SLIT2: variants seen among roughly 807,000 people sequenced by gnomAD.
SLIT2 encodes the protein slit guidance ligand 2, also known as slit homolog 2 protein.
A neutral mutation model predicts 185.7 loss-of-function variants in SLIT2; 41 were observed. The ratio of observed to expected loss-of-function variants is 0.22; its 90% CI spans 0.17 to 0.29. SLIT2 has a LOEUF of 0.29. Among genes scored for constraint, SLIT2 ranks in the 10% least tolerant of loss-of-function variants. The probability of loss-of-function intolerance (pLI) is 1.00; values close to 1 mark genes in which losing one functional copy is unlikely to be tolerated. For synonymous variants in SLIT2, 693 were observed against 680.2 expected (o/e 1.02, Z -0.29); for missense variants, 1,571 against 1,909.0 (o/e 0.82, Z 3.30).
intron 4 of SLIT2, among the ~76,000 whole-genome samples, chr4:20,426,468 A>C (rs1728564667): frequency 6.6e-6 from 1 of 152,198 alleles, no homozygotes; most frequent in Non-Finnish European, 1.5e-5. Context: ...TAGATTTAGC[A>C]GTGTGTTATC....
At position 20,542,498 on chromosome 4, in the gene SLIT2, T is replaced by C. The variant is rs759764286; in HGVS notation, c.2148T>C (p.Asn716=). 1.9e-6 allele frequency: 3 copies of C among 1,613,382 alleles called. No individual in the cohort carries two copies. The highest frequency in any genetic ancestry group is 1.7e-6 in the Non-Finnish European group (2 of 1,179,616). Residue 716 remains asparagine, a synonymous_variant, in exon 21 of 37, where the codon AAT becomes AAC. Coordinates refer to ENST00000504154, the MANE Select transcript of SLIT2 (RefSeq NM_004787.4). ...TGTATTTCCTCTGCGATTTAGGAAA[T>C]GATGACAATAGTTGCTCCCCACTTT... is the stretch of plus-strand genomic sequence containing the variant. The part of the protein sequence containing the change: ...AIQDFTCDDG[N]DDNSCSPLSR...
chr4:20,540,277 G>A (rs554024284), intron 19 of SLIT2, among the ~76,000 whole-genome samples: 3 of 150,352 alleles, frequency 2.0e-5, no homozygotes, highest in African/African-American at 7.3e-5. Context: ...GACAGAGCGA[G>A]ACTCCATCTC....
chr4:20,508,762 A>T (rs1394578678), intron 9 of SLIT2, among the ~76,000 whole-genome samples: 1 of 152,120 alleles, frequency 6.6e-6, no homozygotes, highest in Non-Finnish European at 1.5e-5. Context: ...CACCAAGGAG[A>T]TAGAGTGTCT....
Position 20,567,554 on chromosome 4 carries a change from A to G in SLIT2, c.2887A>G (p.Ser963Gly). ...DCDVPIHACI[S>G]NPCKHGGTCH... is the part of the protein sequence containing the mutation. Reference sequence around the variant, plus strand: ...TGATGTCCCAATTCATGCCTGCATCAGTAACCCATGTAAACATGGAGGAAC... The same window carrying G: ...TGATGTCCCAATTCATGCCTGCATCGGTAACCCATGTAAACATGGAGGAAC... Residue 963 changes from serine (S) to glycine (G), a missense_variant, in exon 28 of 37, where the codon AGT becomes GGT. This residue lies in a region of SLIT2 where 1,202 missense variants were observed against 1,416.4 expected (regional missense o/e 0.85). Coordinates refer to ENST00000504154, the MANE Select transcript of SLIT2 (RefSeq NM_004787.4). The G allele has an allele frequency of 6.2e-7, 1 of 1,613,452 alleles. No homozygotes were observed. Among genetic ancestry groups the G allele is most frequent in the Non-Finnish European group, 8.5e-7 (1 of 1,179,542 alleles).
chr4:20,541,742 CG>C, intron 20 of SLIT2, 123 bp downstream of exon 20: 2 of 899,322 alleles, frequency 2.2e-6, no homozygotes, highest in East Asian at 5.3e-5. Context: ...TTTGCTTTGT[CG>C]TTTGGGTTTT....
intron 25 of SLIT2, among the ~76,000 whole-genome samples, chr4:20,553,556 A>G (rs964625958): frequency 5.9e-5 from 9 of 152,196 alleles, no homozygotes; most frequent in Admixed American, 1.3e-4. Flanking sequence ...CTAAAGCAAC[A>G]TGAGTGTTGA....
intron 4 of SLIT2, among the ~76,000 whole-genome samples, chr4:20,277,050 GAC>G (rs1177404778): frequency 6.6e-6 from 1 of 152,202 alleles, no homozygotes; most frequent in Non-Finnish European, 1.5e-5. Context: ...CTTAACCTTA[GAC>G]ACGACAAGGC....
intron 4 of SLIT2, among the ~76,000 whole-genome samples, chr4:20,375,590 C>T (rs752738065): frequency 5.3e-5 from 8 of 152,022 alleles, no homozygotes; most frequent in Admixed American, 5.2e-4. Context: ...TGATTTATGG[C>T]AAACCATTTA....
Position 20,482,384 on chromosome 4 carries a change from C to G in SLIT2, c.539+1597C>G, listed in dbSNP as rs544381015. On this transcript the variant is annotated intron_variant, in intron 6 of 36. Coordinates refer to ENST00000504154, the MANE Select transcript of SLIT2 (RefSeq NM_004787.4). Reference sequence around the variant, plus strand: ...ATATACACATAAATGTATCGAATACCTACTGTGTATATTTTACAAGGTAGA... The same window carrying G: ...ATATACACATAAATGTATCGAATACGTACTGTGTATATTTTACAAGGTAGA... Among the ~76,000 whole-genome samples the G allele has an allele frequency of 2.6e-5, 4 of 151,972 alleles. No individual in the cohort carries two copies. The East Asian group carries it at 7.7e-4, about 29-fold the overall frequency.
At chr4:20,598,763 G>C (rs1455008049) in intron 33 of SLIT2, among the ~76,000 whole-genome samples, 1 of 152,060 alleles carries the variant, frequency 6.6e-6, no homozygotes, top group African/African-American at 2.4e-5. Flanking sequence ...CAGAAGCCTC[G>C]ACCTTTAATA....
Position 20,252,051 on chromosome 4 carries a change from C to T in SLIT2, c.-1765C>T, listed in dbSNP as rs921271508. Among the ~76,000 whole-genome samples the T allele has an allele frequency of 6.6e-6, 1 of 152,122 alleles. No homozygotes were observed. The highest frequency in any genetic ancestry group is 2.1e-4 in the South Asian group (1 of 4,828). On this transcript the variant is annotated 5_prime_UTR_variant, in exon 1 of 37. Coordinates refer to ENST00000504154, the MANE Select transcript of SLIT2 (RefSeq NM_004787.4). ...AGGCAGCTGCGAGGCATGGGAGCGCCGAAGCGCCCAGGCGCAGGCCGAAGC... is the reference window on the plus strand; with the variant it reads ...AGGCAGCTGCGAGGCATGGGAGCGCTGAAGCGCCCAGGCGCAGGCCGAAGC...
At chr4:20,549,244 G>T (rs772565139) in intron 24 of SLIT2, 116 bp downstream of exon 24, 4 of 580,294 alleles carry the variant, frequency 6.9e-6, no homozygotes, top group Non-Finnish European at 1.2e-5. Flanking sequence ...ACATGCATTA[G>T]GATTTATTAT....
At chr4:20,441,510 C>A (rs977670266) in intron 4 of SLIT2, among the ~76,000 whole-genome samples, 1 of 134,200 alleles carries the variant, frequency 7.5e-6, no homozygotes, top group Non-Finnish European at 1.6e-5. Context: ...CTCGCCCCCC[C>A]CCACTTCTGT....
At chr4:20,436,711 G>A (rs1227635581) in intron 4 of SLIT2, among the ~76,000 whole-genome samples, 1 of 152,178 alleles carries the variant, frequency 6.6e-6, no homozygotes, top group Admixed American at 6.5e-5. Flanking sequence ...ATGAGTAGTT[G>A]ATGACTGCTT....
intron 5 of SLIT2, among the ~76,000 whole-genome samples, chr4:20,476,208 A>G (rs1275543558): frequency 6.6e-6 from 1 of 152,188 alleles, no homozygotes. Context: ...ATATTGATAT[A>G]TAGACATTTG....
intron 4 of SLIT2, among the ~76,000 whole-genome samples, chr4:20,384,652 C>T (rs756987152): frequency 6.6e-5 from 10 of 152,004 alleles, no homozygotes; most frequent in African/African-American, 2.4e-4. Context: ...AAGAAAAGAG[C>T]TTAATATTAT....
chr4:20,450,132 T>C (rs1272836915), intron 4 of SLIT2, among the ~76,000 whole-genome samples: 2 of 152,332 alleles, frequency 1.3e-5, no homozygotes, highest in East Asian at 3.9e-4. Context: ...TATAGTTGAA[T>C]AACTTTGAAT....
chr4:20,572,946 C>T (rs1465125997), intron 29 of SLIT2, among the ~76,000 whole-genome samples: 1 of 152,186 alleles, frequency 6.6e-6, no homozygotes, highest in East Asian at 1.9e-4. Context: ...TCTCTGACGC[C>T]CATGCACAAG....
intron 6 of SLIT2, among the ~76,000 whole-genome samples, chr4:20,481,596 G>A (rs1216467819): frequency 2.6e-5 from 4 of 151,888 alleles, no homozygotes; most frequent in South Asian, 2.1e-4. Context: ...AGAAAATTTA[G>A]TCAGAAATCT....
Sources: gnomAD v4.1 joint callset for allele counts (sites outside exome capture counted in the v4.1 genomes callset) on GRCh38, gnomAD v4.1.1 for gene constraint, gnomAD v4.1.1 regional missense constraint, MANE v1.5 for transcripts, NCBI Gene and HGNC (gene_info 2026-07-23, HGNC 2026-07-21) for gene names.